NUP107: variants seen among roughly 807,000 people sequenced by gnomAD.
The protein encoded by NUP107 is nuclear pore complex protein Nup107.
Under a neutral mutation model 141.0 loss-of-function variants are expected in NUP107, and 101 were observed. The observed-to-expected ratio is 0.72, with a 90% CI of 0.61 to 0.84. The LOEUF (loss-of-function observed/expected upper bound fraction) is 0.84, where lower values mean the gene tolerates loss of function less well. Ranked by LOEUF, NUP107 falls within the 40% of genes least tolerant of loss-of-function variation. The pLI is 0.00. For synonymous variants in NUP107, 319 were observed against 363.9 expected (o/e 0.88, Z 1.41); for missense variants, 941 against 1,102.7 (o/e 0.85, Z 2.08).
intron 3 of NUP107, 196 bp downstream of exon 3, chr12:68,689,815 C>G (rs1875693188): frequency 2.0e-6 from 1 of 492,172 alleles, no homozygotes; most frequent in African/African-American, 2.0e-5. Flanking sequence ...GTAACTATGA[C>G]ATGGGTATTG....
chr12:68,715,105 G>C (rs1877041593), intron 11 of NUP107, among the ~76,000 whole-genome samples: 2 of 152,228 alleles, frequency 1.3e-5, no homozygotes, highest in African/African-American at 2.4e-5. Flanking sequence ...GGCCAACTGA[G>C]TATGTTTTAA....
chr12:68,697,104 T>G (rs539541756), intron 6 of NUP107, among the ~76,000 whole-genome samples, 182 bp downstream of exon 6: 1 of 152,126 alleles, frequency 6.6e-6, no homozygotes, highest in Admixed American at 6.6e-5. Context: ...AAGATTTCTT[T>G]GGGAGAAAAA....
intron 5 of NUP107, among the ~76,000 whole-genome samples, chr12:68,694,267 C>T (rs1404529969): frequency 6.6e-6 from 1 of 152,186 alleles, no homozygotes; most frequent in East Asian, 1.9e-4. Flanking sequence ...TGTATTATAA[C>T]TTTCTCCACT....
chr12:68,730,214 CTTTTTTTTTTT>C (rs756700880), intron 20 of NUP107, among the ~76,000 whole-genome samples: 1 of 85,374 alleles, frequency 1.2e-5, no homozygotes, highest in East Asian at 3.5e-4. Context: ...GTGATACTAC[CTTTTTTTTTTT>C]TTTTTTTTTT....
chr12:68,721,118 G>A lies in NUP107; in HGVS notation c.1252G>A (p.Glu418Lys). 2 of 1,587,004 alleles carry A rather than the reference G, an allele frequency of 1.3e-6. No individual in the cohort carries two copies. The highest frequency in any genetic ancestry group is 1.7e-6 in the Non-Finnish European group (2 of 1,158,930). The change falls in exon 15 of 28, where the codon GAG (glutamate) becomes AAG (lysine). Residue 418 changes from glutamate to lysine, a missense_variant and splice_region_variant. By Grantham distance (56) the Glu-to-Lys change is moderately conservative. Coordinates refer to ENST00000229179, the MANE Select transcript of NUP107 (RefSeq NM_020401.4). ...TTTGTTTATATTCATTGTGTTTTAG[G>A]AGCTTTTTAATAGATACGAGAGAGC... ...KISCWRMAED[E>K]LFNRYERAIY...
chr12:68,741,983 A>T lies in NUP107; in HGVS notation c.2670+3A>T. On this transcript the variant is annotated splice_donor_region_variant and intron_variant, in intron 27 of 27. Transcript: ENST00000229179. ...CTGAGCGCCACAAACTGTACCTGGTAAGTTCTAGAGCCTTGTAGTTTTAAA... is the reference window on the plus strand; with the variant it reads ...CTGAGCGCCACAAACTGTACCTGGTTAGTTCTAGAGCCTTGTAGTTTTAAA... The T allele has an allele frequency of 6.3e-7, 1 of 1,598,078 alleles. No individual in the cohort carries two copies. The highest frequency in any genetic ancestry group is 8.5e-7 in the Non-Finnish European group (1 of 1,170,530).
At chr12:68,725,681 A>G in intron 17 of NUP107, 46 bp from the exon 18 acceptor site, 1 of 954,232 alleles carries the variant, frequency 1.0e-6, no homozygotes, top group Non-Finnish European at 1.6e-6. Context: ...TATACTACAG[A>G]ATGACTGCTA....
At chr12:68,711,411 G>A (rs1458866058) in intron 10 of NUP107, among the ~76,000 whole-genome samples, 5 of 150,854 alleles carry the variant, frequency 3.3e-5, no homozygotes, top group Non-Finnish European at 5.9e-5. Flanking sequence ...TTTAAAGTAG[G>A]AGATCCTGAA....
intron 20 of NUP107, among the ~76,000 whole-genome samples, chr12:68,729,814 G>A (rs372252054): frequency 8.1e-5 from 12 of 148,818 alleles, no homozygotes; most frequent in East Asian, 7.8e-4. Context: ...TTTTTGAGAC[G>A]GAGTCTCACT....
Position 68,731,268 on chromosome 12 carries a change from T to C in NUP107, c.1885+8T>C. Reference sequence around the variant, plus strand: ...AGTTGGCTAAAGAAGCAGGTAAAAATGGTTGAAAACTTTGTCTTTTGGCCT... The same window carrying C: ...AGTTGGCTAAAGAAGCAGGTAAAAACGGTTGAAAACTTTGTCTTTTGGCCT... On this transcript the variant is annotated splice_region_variant and intron_variant, in intron 21 of 27. Coordinates refer to ENST00000229179, the MANE Select transcript of NUP107 (RefSeq NM_020401.4). 3 of 1,592,222 alleles carry C rather than the reference T, an allele frequency of 1.9e-6. No homozygotes were observed. Among genetic ancestry groups the C allele is most frequent in the Non-Finnish European group, 2.6e-6 (3 of 1,172,692 alleles).
rs1456772934 is a variant in NUP107, at chr12:68,742,532, A to C, written c.*70A>C. On this transcript the variant is annotated 3_prime_UTR_variant, in exon 28 of 28. Coordinates refer to ENST00000229179, the MANE Select transcript of NUP107 (RefSeq NM_020401.4). ...TTAATAAAATATACTTGTTATTAGT[A>C]ATTTTTTCTTTTGCATTACCATGTA... is the stretch of plus-strand genomic sequence containing the variant. 1 of 818,854 alleles carries C rather than the reference A, an allele frequency of 1.2e-6. No individual in the cohort carries two copies. Among genetic ancestry groups the C allele is most frequent in the Admixed American group, 2.7e-5 (1 of 36,534 alleles). The allele number at this position is 818,854 out of a possible 1,614,324, so 50.7% of individuals were successfully genotyped here.
At position 68,744,076 on chromosome 12, in the gene NUP107, G is replaced by T. The variant is rs938445658; in HGVS notation, c.*1614G>T. 1.3e-5 allele frequency: 2 copies of T among 152,166 alleles called. No individual in the cohort carries two copies. The highest frequency in any genetic ancestry group is 2.4e-5 in the African/African-American group (1 of 41,430). The allele number at this position is 152,166 out of a possible 1,614,324, so 9.4% of individuals were successfully genotyped here. A position where few individuals can be genotyped will look rare whatever the true frequency, so the allele number is the denominator to read the frequency against. On this transcript the variant is annotated 3_prime_UTR_variant, in exon 28 of 28. Coordinates refer to ENST00000229179, the MANE Select transcript of NUP107 (RefSeq NM_020401.4). ...ATATAGAAACTTTGTACAACCCAGG[G>T]TGACTATTTCCAAAGACTGTTACCT...
intron 12 of NUP107, 113 bp downstream of exon 12, chr12:68,715,853 G>C: frequency 1.1e-5 from 6 of 562,256 alleles, no homozygotes; most frequent in South Asian, 1.1e-4. Context: ...TTCCATTCAT[G>C]GTATTTCTAG....
At position 68,744,320 on chromosome 12, in the gene NUP107, T is replaced by TA. The variant is rs1396820006; in HGVS notation, c.*1859dup. On this transcript the variant is annotated 3_prime_UTR_variant, in exon 28 of 28. Coordinates refer to ENST00000229179, the MANE Select transcript of NUP107 (RefSeq NM_020401.4). ...CAGAAACCCACTAAGGTTGTGGAAT[T>TA]ACAAAATTCCTTCAACCTTAGACTC... is the stretch of plus-strand genomic sequence containing the variant. 1 of 152,226 alleles carries TA rather than the reference T, an allele frequency of 6.6e-6. No individual in the cohort carries two copies. The highest frequency in any genetic ancestry group is 1.5e-5 in the Non-Finnish European group (1 of 68,042). 9.4% of individuals were successfully genotyped at this position (152,226 alleles called of 1,614,324 possible).
intron 7 of NUP107, 78 bp downstream of exon 7, chr12:68,700,931 T>C (rs1014465441): frequency 1.4e-6 from 2 of 1,387,528 alleles, no homozygotes; most frequent in East Asian, 2.5e-5. Context: ...AAAGTTAGGG[T>C]AGGTCGTGCT....
At chr12:68,734,349 A>G (rs1297547365) in intron 24 of NUP107, among the ~76,000 whole-genome samples, 2 of 152,190 alleles carry the variant, frequency 1.3e-5, no homozygotes, top group Non-Finnish European at 2.9e-5. Context: ...TGGGTTAGGT[A>G]GTAGGGCCAA....
intron 14 of NUP107, 103 bp downstream of exon 14, chr12:68,719,757 A>G (rs1488946735): frequency 1.2e-6 from 1 of 805,688 alleles, no homozygotes; most frequent in African/African-American, 1.7e-5. Context: ...ACTGGTTTTC[A>G]GAGAATTTCC....
chr12:68,700,684 T>TA (rs764499619), intron 6 of NUP107, 42 bp from the exon 7 acceptor site: 42 of 1,445,954 alleles, frequency 2.9e-5, no homozygotes, highest in Non-Finnish European at 3.8e-5. Flanking sequence ...TGACTCAAAA[T>TA]TGTAGAAAAT....
rs1878361794 is a variant in NUP107 at position 68,742,481 on chromosome 12, A to G, written c.*19A>G. On this transcript the variant is annotated 3_prime_UTR_variant, in exon 28 of 28. Coordinates refer to ENST00000229179, the MANE Select transcript of NUP107 (RefSeq NM_020401.4). ...GTTATAGTTTAATCTTTGTAATCTCACTAATTTTCATGATAAATGAAGTTT... is the reference window on the plus strand; with the variant it reads ...GTTATAGTTTAATCTTTGTAATCTCGCTAATTTTCATGATAAATGAAGTTT... 2 of 1,227,534 alleles carry G rather than the reference A, an allele frequency of 1.6e-6. No homozygotes were observed. The highest frequency in any genetic ancestry group is 2.3e-6 in the Non-Finnish European group (2 of 868,570). The allele number at this position is 1,227,534 out of a possible 1,614,324, so 76.0% of individuals were successfully genotyped here. A position where few individuals can be genotyped will look rare whatever the true frequency, so the allele number is the denominator to read the frequency against.
Sources: gnomAD v4.1 joint callset for allele counts (sites outside exome capture counted in the v4.1 genomes callset) on GRCh38, gnomAD v4.1.1 for gene constraint, MANE v1.5 for transcripts, NCBI Gene and HGNC (gene_info 2026-07-23, HGNC 2026-07-21) for gene names.